The following ARHGEF28 variants were observed in gnomAD, a reference collection of about 807,000 sequenced individuals.
ARHGEF28 encodes the protein 190 kDa guanine nucleotide exchange factor.
Under a neutral mutation model 206.6 loss-of-function variants are expected in ARHGEF28, and 152 were observed. That is an observed-to-expected ratio of 0.74 (90% CI 0.64 to 0.84). The LOEUF (loss-of-function observed/expected upper bound fraction) is 0.84. ARHGEF28 is among the 40% of genes least tolerant of loss of function. ARHGEF28 has a pLI of 0.00. For synonymous variants in ARHGEF28, 763 were observed against 776.4 expected (o/e 0.98, Z 0.29); for missense variants, 2,028 against 2,073.2 (o/e 0.98, Z 0.42).
chr5:73,780,649 G>GTT, intron 6 of ARHGEF28, 27 bp from the exon 7 acceptor site: 8 of 1,420,920 alleles, frequency 5.6e-6, no homozygotes, highest in Admixed American at 4.4e-5. Context: ...GTGCTTTTTT[G>GTT]TTTTTTTTTT....
At position 73,868,219 on chromosome 5, in the gene ARHGEF28, T is replaced by C; in HGVS notation, c.2417T>C (p.Ile806Thr). 1 of 1,581,806 alleles carries C rather than the reference T, an allele frequency of 6.3e-7. No homozygotes were observed. Among genetic ancestry groups the C allele is most frequent in the Non-Finnish European group, 8.6e-7 (1 of 1,162,476 alleles). The change falls in exon 20 of 36, where the codon ATA becomes ACA. Residue 806 changes from isoleucine (I) to threonine (T), a missense_variant. Ile to Thr is a moderately conservative substitution (Grantham distance 89, BLOSUM62 -1). Around this residue, in one of 3 missense-constraint regions of ARHGEF28, gnomAD observed 1,002 missense variants for 1,015.3 expected, o/e 0.99. Transcript: ENST00000513042. ...TCTTCTCCCTCTACAGAGTCTTTCA[T>C]AATGGAAGGTGAGGAGAAGACACAC... ...MGSSPSTESF[I>T]MEDVVDSSLW...
intron 23 of ARHGEF28, among the ~76,000 whole-genome samples, chr5:73,883,448 T>A (rs1287738122): frequency 6.6e-6 from 1 of 152,186 alleles, no homozygotes; most frequent in Non-Finnish European, 1.5e-5. Context: ...ATGTTCAAAG[T>A]TGACTTTGAT....
intron 9 of ARHGEF28, chr5:73,813,527 GA>G: frequency 1.3e-6 from 2 of 1,529,080 alleles, no homozygotes; most frequent in Non-Finnish European, 1.8e-6. Context: ...CCTGGCTGGG[GA>G]CGCCCCGAGT....
chr5:73,919,715 T>TAAG (rs1220442625), intron 35 of ARHGEF28, among the ~76,000 whole-genome samples: 4 of 152,370 alleles, frequency 2.6e-5, no homozygotes, highest in African/African-American at 7.2e-5. Context: ...TTTGTCATTT[T>TAAG]AAGTCTAAAG....
intron 35 of ARHGEF28, among the ~76,000 whole-genome samples, chr5:73,912,901 C>T (rs2112733530): frequency 6.6e-6 from 1 of 152,310 alleles, no homozygotes; most frequent in South Asian, 2.1e-4. Context: ...GTTTTACATA[C>T]TGGCTTTGGT....
At chr5:73,784,264 G>A (rs1449483273) in intron 7 of ARHGEF28, among the ~76,000 whole-genome samples, 1 of 152,146 alleles carries the variant, frequency 6.6e-6, no homozygotes, top group Non-Finnish European at 1.5e-5. Flanking sequence ...ATCTGTAGCT[G>A]CTATTAATTA....
intron 2 of ARHGEF28, among the ~76,000 whole-genome samples, chr5:73,701,558 C>T (rs931923312): frequency 6.6e-6 from 1 of 152,144 alleles, no homozygotes; most frequent in African/African-American, 2.4e-5. Context: ...CAAGTATCTT[C>T]AGCTTTCATC....
At chr5:73,875,740 C>T (rs1222714122) in intron 22 of ARHGEF28, among the ~76,000 whole-genome samples, 5 of 151,466 alleles carry the variant, frequency 3.3e-5, no homozygotes, top group African/African-American at 9.7e-5. Flanking sequence ...AGATATGCGG[C>T]GTTATTTCTG....
At chr5:73,720,454 ATTGGAC>A (rs141176525) in intron 2 of ARHGEF28, among the ~76,000 whole-genome samples, 1 of 152,266 alleles carries the variant, frequency 6.6e-6, no homozygotes, top group East Asian at 1.9e-4. Context: ...GTCAGGAGAG[ATTGGAC>A]TCAGCCTCTA....
At chr5:73,935,037 G>A (rs181589934) in intron 35 of ARHGEF28, among the ~76,000 whole-genome samples, 54 of 152,220 alleles carry the variant, frequency 3.5e-4, no homozygotes, top group Non-Finnish European at 6.9e-4. Flanking sequence ...CAGCAGAGAG[G>A]ACTGATGTAC....
chr5:73,702,637 C>A (rs112130078), intron 2 of ARHGEF28, among the ~76,000 whole-genome samples: 4 of 152,296 alleles, frequency 2.6e-5, no homozygotes, highest in African/African-American at 9.6e-5. Flanking sequence ...AGTGGCTGCA[C>A]CATTTTACAT....
chr5:73,643,496 T>TTA (rs1744246999), intron 1 of ARHGEF28, among the ~76,000 whole-genome samples: 2 of 152,270 alleles, frequency 1.3e-5, no homozygotes, highest in South Asian at 4.1e-4. Context: ...ATTGGCACAA[T>TTA]TATATATAGT....
intron 1 of ARHGEF28, among the ~76,000 whole-genome samples, chr5:73,668,645 A>G (rs780675204): frequency 6.6e-6 from 1 of 152,152 alleles, no homozygotes; most frequent in Admixed American, 6.5e-5. Flanking sequence ...CATTTTTCTC[A>G]ATAGCCCTGG....
Position 73,753,136 on chromosome 5 carries a change from G to T in ARHGEF28, c.409G>T (p.Val137Leu). Residue 137 changes from valine (V) to leucine (L), a missense_variant, in exon 4 of 36, where the codon GTG becomes TTG. This residue lies in a region of ARHGEF28 where 1,002 missense variants were observed against 1,015.3 expected (regional missense o/e 0.99). Coordinates refer to ENST00000513042, the MANE Select transcript of ARHGEF28 (RefSeq NM_001177693.2). ...GALPALDEEL[V>L]LALTHLELPL... ...ACTGCCTGCCTTGGATGAGGAGCTC[G>T]TGCTGGCTCTGACCCATCTGGAATT... is the stretch of plus-strand genomic sequence containing the variant. 1.3e-6 allele frequency: 2 copies of T among 1,575,990 alleles called. No individual in the cohort carries two copies. The highest frequency in any genetic ancestry group is 1.7e-6 in the Non-Finnish European group (2 of 1,161,388).
intron 5 of ARHGEF28, among the ~76,000 whole-genome samples, chr5:73,776,048 G>C (rs1753522680): frequency 6.6e-6 from 1 of 152,190 alleles, no homozygotes; most frequent in South Asian, 2.1e-4. Flanking sequence ...GGTACCATGT[G>C]TTATGAATAT....
intron 2 of ARHGEF28, among the ~76,000 whole-genome samples, chr5:73,699,924 T>A (rs1748489861): frequency 6.6e-6 from 1 of 152,236 alleles, no homozygotes; most frequent in Non-Finnish European, 1.5e-5. Flanking sequence ...GAGTCTCACC[T>A]GCCAACCTGA....
intron 35 of ARHGEF28, among the ~76,000 whole-genome samples, chr5:73,936,987 G>A (rs1292746744): frequency 1.3e-5 from 2 of 152,222 alleles, no homozygotes; most frequent in Non-Finnish European, 2.9e-5. Context: ...GTGAGCCAAT[G>A]GAGGGAAGGC....
intron 10 of ARHGEF28, among the ~76,000 whole-genome samples, chr5:73,833,830 T>G (rs1757444317): frequency 2.0e-5 from 3 of 152,100 alleles, no homozygotes; most frequent in Admixed American, 2.0e-4. Context: ...GGAAGCCCCT[T>G]ATAAAACCAT....
chr5:73,748,662 G>T (rs1751867775), intron 2 of ARHGEF28, among the ~76,000 whole-genome samples: 1 of 152,070 alleles, frequency 6.6e-6, no homozygotes, highest in South Asian at 2.1e-4. Context: ...GAGCAGGTTT[G>T]TTTTTGTTGG....
Sources: gnomAD v4.1 joint callset for allele counts (sites outside exome capture counted in the v4.1 genomes callset) on GRCh38, gnomAD v4.1.1 for gene constraint, gnomAD v4.1.1 regional missense constraint, MANE v1.5 for transcripts, NCBI Gene and HGNC (gene_info 2026-07-23, HGNC 2026-07-21) for gene names.